Variants in MFSD6 observed in about 807,000 individuals in gnomAD.
MFSD6 encodes major facilitator superfamily domain containing 6.
A neutral mutation model predicts 56.3 loss-of-function variants in MFSD6; 26 were observed. The observed-to-expected ratio is 0.46, with a 90% confidence interval of 0.34 to 0.64. The LOEUF is 0.64. MFSD6 is among the 30% of genes least tolerant of loss of function. MFSD6 has a pLI of 0.01. For synonymous variants in MFSD6, 331 were observed against 366.9 expected, an observed-to-expected ratio of 0.90 and a Z score of 1.12; for missense variants, 750 against 986.2, an observed-to-expected ratio of 0.76 and a Z score of 3.21.
intron 3 of MFSD6, among the ~76,000 whole-genome samples, chr2:190,455,709 C>T (rs370971057): frequency 1.1e-4 from 16 of 150,676 alleles, no homozygotes; most frequent in African/African-American, 3.2e-4. Context: ...AGGGTGGGCA[C>T]GGTGCAGGGG....
In MFSD6 at chr2:190,469,944, A is replaced by G; in HGVS notation, c.1630+89A>G. 1.7e-5 allele frequency: 15 copies of G among 870,518 alleles called. No homozygotes were observed. Among genetic ancestry groups the G allele is most frequent in the Non-Finnish European group, 2.7e-5 (15 of 546,978 alleles). 53.9% of individuals were successfully genotyped at this position (870,518 alleles called of 1,614,324 possible). A position where few individuals can be genotyped will look rare whatever the true frequency, so the allele number is the denominator to read the frequency against. ...GTGGCCTTCAGCATCTGATTCTATAAAGGAAGGGCAGGCCTACTGTTTCAT... is the reference window on the plus strand; with the variant it reads ...GTGGCCTTCAGCATCTGATTCTATAGAGGAAGGGCAGGCCTACTGTTTCAT... On this transcript the variant is annotated intron_variant, in intron 4 of 7. Transcript: ENST00000392328. This position sits in a 1 kb window ranked among gnomAD's most constrained non-coding sequence, Gnocchi z 5.3.
rs1288045014 is a variant in MFSD6 at position 190,471,165 on chromosome 2, G to C, written c.1630+1310G>C. On this transcript the variant is annotated intron_variant, in intron 4 of 7. Transcript: ENST00000392328. The surrounding 1 kb of genome is among the most constrained non-coding windows in gnomAD (Gnocchi z 4.7). The stretch of plus-strand genomic sequence containing the variant: ...CCAGTCTACAGGTCTCAGCGTAAGT[G>C]ACACAGAAGACTACTGATTTCTGCA... Among the ~76,000 whole-genome samples, 1 of 152,186 alleles carries C rather than the reference G, an allele frequency of 6.6e-6. No individual in the cohort carries two copies. Among genetic ancestry groups the C allele is most frequent in the Non-Finnish European group, 1.5e-5 (1 of 68,034 alleles).
chr2:190,467,575 T>G lies in MFSD6; in HGVS notation c.1533-2183T>G, dbSNP rs1220769045. Among the ~76,000 whole-genome samples the G allele has an allele frequency of 1.3e-5, 2 of 152,184 alleles. No homozygotes were observed. Among genetic ancestry groups the G allele is most frequent in the East Asian group, 3.8e-4 (2 of 5,196 alleles). On this transcript the variant is annotated intron_variant, in intron 3 of 7. Coordinates refer to ENST00000392328, the MANE Select transcript of MFSD6 (RefSeq NM_017694.4). The surrounding 1 kb of genome is among the most constrained non-coding windows in gnomAD (Gnocchi z 5.5). ...TTTCAGTGAGCCGAGATCGTGCCAC[T>G]GCTCTCTAGCCTCGGCAACAGAGCG...
chr2:190,457,142 G>A lies in MFSD6; in HGVS notation c.1533-12616G>A, dbSNP rs981374892. On this transcript the variant is annotated intron_variant, in intron 3 of 7. Transcript: ENST00000392328. This position sits in a 1 kb window ranked among gnomAD's most constrained non-coding sequence, Gnocchi z 5.1. ...CTTGTCTAGGTTTGATTTCATGTAG[G>A]GAGCTTGGAGTGTGGAAAATAGCAC... Among the ~76,000 whole-genome samples the A allele has an allele frequency of 6.6e-6, 1 of 152,136 alleles. No homozygotes were observed. The highest frequency in any genetic ancestry group is 1.5e-5 in the Non-Finnish European group (1 of 68,028).
In MFSD6 at chr2:190,421,308, T is replaced by C. The variant is rs550254839; in HGVS notation, c.-54+5895T>C. Among the ~76,000 whole-genome samples, 7 of 152,300 alleles carry C rather than the reference T, an allele frequency of 4.6e-5. No individual in the cohort carries two copies. The East Asian group carries it at 1.2e-3, about 25-fold the overall frequency. On this transcript the variant is annotated intron_variant, in intron 2 of 7. Transcript: ENST00000392328. Reference sequence around the variant, plus strand: ...TTCACTCTAAGGCCCCTGATTAGAATTGATGTGGAAGGACATTCTGTACAA... The same window carrying C: ...TTCACTCTAAGGCCCCTGATTAGAACTGATGTGGAAGGACATTCTGTACAA...
chr2:190,450,487 C>CCTTTT (rs1686738396), intron 3 of MFSD6, among the ~76,000 whole-genome samples: 1 of 64,406 alleles, frequency 1.6e-5, no homozygotes, highest in South Asian at 6.1e-4. Flanking sequence ...TTCTCTTTTT[C>CCTTTT]CTTTTTTTTT....
At position 190,437,346 on chromosome 2, in the gene MFSD6, C is replaced by A. The variant is rs1354363377; in HGVS notation, c.1317C>A (p.Ile439=). ...HSQAFNFWDL[I]KLLCSVQYGS... Reference sequence around the variant, plus strand: ...AGGCCTTCAACTTTTGGGACTTAATCAAGCTGCTCTGCAGCGTGCAGTATG... The same window carrying A: ...AGGCCTTCAACTTTTGGGACTTAATAAAGCTGCTCTGCAGCGTGCAGTATG... The change falls in exon 3 of 8, where the codon ATC becomes ATA. Residue 439 remains isoleucine (I), a synonymous_variant. Coordinates refer to ENST00000392328, the MANE Select transcript of MFSD6 (RefSeq NM_017694.4). The surrounding 1 kb of genome is among the most constrained non-coding windows in gnomAD (Gnocchi z 5.9). 1 of 1,614,130 alleles carries A rather than the reference C, an allele frequency of 6.2e-7. No homozygotes were observed. The highest frequency in any genetic ancestry group is 8.5e-7 in the Non-Finnish European group (1 of 1,180,056).
chr2:190,446,824 T>C (rs1686601940), intron 3 of MFSD6, among the ~76,000 whole-genome samples: 1 of 152,294 alleles, frequency 6.6e-6, no homozygotes, highest in South Asian at 2.1e-4. Flanking sequence ...AAAGCTGAGC[T>C]TAAATGTCAA....
chr2:190,491,065 G>C lies in MFSD6; in HGVS notation c.1891+1199G>C, dbSNP rs1299552547. On this transcript the variant is annotated intron_variant, in intron 6 of 7. Coordinates refer to ENST00000392328, the MANE Select transcript of MFSD6 (RefSeq NM_017694.4). The surrounding 1 kb of genome is among the most constrained non-coding windows in gnomAD (Gnocchi z 4.2). ...AGATGTAGTTAAAGTTGTATTTTGA[G>C]AAAAATGTATGGACTTGAATATCTT... Among the ~76,000 whole-genome samples, 1 of 152,090 alleles carries C rather than the reference G, an allele frequency of 6.6e-6. No homozygotes were observed. The highest frequency in any genetic ancestry group is 1.5e-5 in the Non-Finnish European group (1 of 68,028).
chr2:190,413,007 C>T lies in MFSD6; in HGVS notation c.-175-2285C>T, dbSNP rs1176577061. Among the ~76,000 whole-genome samples the T allele has an allele frequency of 6.6e-6, 1 of 152,132 alleles. No homozygotes were observed. Among genetic ancestry groups the T allele is most frequent in the Non-Finnish European group, 1.5e-5 (1 of 68,032 alleles). Reference sequence around the variant, plus strand: ...TAATTACAAACGTGGAACACCTAAACCTTGAGCCTATATGTTAATATGTGT... The same window carrying T: ...TAATTACAAACGTGGAACACCTAAATCTTGAGCCTATATGTTAATATGTGT... On this transcript the variant is annotated intron_variant, in intron 1 of 7. Transcript: ENST00000392328. This position sits in a 1 kb window ranked among gnomAD's most constrained non-coding sequence, Gnocchi z 4.1.
intron 4 of MFSD6, among the ~76,000 whole-genome samples, chr2:190,481,614 C>A (rs1303223178): frequency 6.6e-6 from 1 of 152,224 alleles, no homozygotes; most frequent in Non-Finnish European, 1.5e-5. Context: ...AGACTGTAAG[C>A]TCCTTGGTGG....
rs980576051 is a variant in MFSD6 at position 190,428,906 on chromosome 2, C to A, written c.-53-7071C>A. Among the ~76,000 whole-genome samples the A allele has an allele frequency of 1.6e-4, 24 of 152,210 alleles. 1 individual carries two copies. The highest frequency in any genetic ancestry group is 5.5e-4 in the African/African-American group (23 of 41,532). ...CAGGCTGGTCTTAAACTCCTGGCTT[C>A]AAGTGATCCACCTCCCTCGGCCTCT... On this transcript the variant is annotated intron_variant, in intron 2 of 7. Transcript: ENST00000392328.
chr2:190,433,644 A>C lies in MFSD6; in HGVS notation c.-53-2333A>C, dbSNP rs1230679364. 6.6e-6 allele frequency among the ~76,000 whole-genome samples: 1 copy of C among 152,172 alleles called. No homozygotes were observed. The highest frequency in any genetic ancestry group is 1.5e-5 in the Non-Finnish European group (1 of 68,038). ...CAGTTAAATTTTTTTTAACCTAAAAAACCGACATGAACATTTTCAAAGCTT... is the reference window on the plus strand; with the variant it reads ...CAGTTAAATTTTTTTTAACCTAAAACACCGACATGAACATTTTCAAAGCTT... On this transcript the variant is annotated intron_variant, in intron 2 of 7. Transcript: ENST00000392328. This position sits in a 1 kb window ranked among gnomAD's most constrained non-coding sequence, Gnocchi z 4.5.
rs546616328 is a variant in MFSD6 at position 190,477,396 on chromosome 2, G to T, written c.1630+7541G>T. The stretch of plus-strand genomic sequence containing the variant: ...TAAAGATTTGTATACCTACAGAAAA[G>T]AAATGACTATATATTATAATAATAC... On this transcript the variant is annotated intron_variant, in intron 4 of 7. Coordinates refer to ENST00000392328, the MANE Select transcript of MFSD6 (RefSeq NM_017694.4). 4.0e-5 allele frequency: 38 copies of T among 959,396 alleles called. No homozygotes were observed. The East Asian group carries it at 2.6e-3, about 67-fold the overall frequency. 59.4% of individuals were successfully genotyped at this position (959,396 alleles called of 1,614,324 possible). A position where few individuals can be genotyped will look rare whatever the true frequency, so the allele number is the denominator to read the frequency against.
intron 2 of MFSD6, among the ~76,000 whole-genome samples, chr2:190,430,135 T>C (rs1367811772): frequency 6.6e-6 from 1 of 151,970 alleles, no homozygotes; most frequent in Non-Finnish European, 1.5e-5. Flanking sequence ...CTGAGAATGA[T>C]GGTTTCCAGC....
At chr2:190,422,523 T>C (rs1411340120) in intron 2 of MFSD6, among the ~76,000 whole-genome samples, 1 of 152,232 alleles carries the variant, frequency 6.6e-6, no homozygotes, top group Non-Finnish European at 1.5e-5. Flanking sequence ...TAAACTCAAG[T>C]AATAATTTGG....
In MFSD6 at chr2:190,499,532, G is replaced by A. The variant is rs545600815; in HGVS notation, c.2173-483G>A. Reference sequence around the variant, plus strand: ...TTTTGAAATACCAAATATATATCAGGACTCTTAATTACAGGACATTCTTTC... The same window carrying A: ...TTTTGAAATACCAAATATATATCAGAACTCTTAATTACAGGACATTCTTTC... On this transcript the variant is annotated intron_variant, in intron 7 of 7. Transcript: ENST00000392328. This position sits in a 1 kb window ranked among gnomAD's most constrained non-coding sequence, Gnocchi z 6.0. Among the ~76,000 whole-genome samples, 16 of 152,240 alleles carry A rather than the reference G, an allele frequency of 1.1e-4. No homozygotes were observed. The South Asian group carries it at 2.7e-3, about 26-fold the overall frequency.
Position 190,502,056 on chromosome 2 carries a change from T to G in MFSD6, c.*1838T>G, listed in dbSNP as rs1191691327. On this transcript the variant is annotated 3_prime_UTR_variant, in exon 8 of 8. Transcript: ENST00000392328. This position sits in a 1 kb window ranked among gnomAD's most constrained non-coding sequence, Gnocchi z 4.4. ...GAAATGCACAGTTGACATGTTGAAA[T>G]AAAAATGAATACCATTTTTAAATGT... is the stretch of plus-strand genomic sequence containing the variant. 1 of 152,646 alleles carries G rather than the reference T, an allele frequency of 6.6e-6. No homozygotes were observed. Among genetic ancestry groups the G allele is most frequent in the African/African-American group, 2.4e-5 (1 of 41,458 alleles). 9.5% of individuals were successfully genotyped at this position (152,646 alleles called of 1,614,324 possible). A position where few individuals can be genotyped will look rare whatever the true frequency, so the allele number is the denominator to read the frequency against.
intron 1 of MFSD6, among the ~76,000 whole-genome samples, chr2:190,409,933 C>A (rs551949817): frequency 6.6e-6 from 1 of 152,080 alleles, no homozygotes; most frequent in African/African-American, 2.4e-5. Flanking sequence ...TGTTAATGAG[C>A]CCAGTGCAGG....
Sources: gnomAD v4.1 joint callset for allele counts (sites outside exome capture counted in the v4.1 genomes callset) on GRCh38, gnomAD v4.1.1 for gene constraint, Gnocchi (gnomAD v3.1) non-coding constraint, MANE v1.5 for transcripts, NCBI Gene and HGNC (gene_info 2026-07-23, HGNC 2026-07-21) for gene names.